The following PRKCE variants were observed in gnomAD, a reference collection of about 807,000 sequenced individuals.
The protein encoded by PRKCE is protein kinase C epsilon, also known as protein kinase C epsilon type.
Under a neutral mutation model 85.4 loss-of-function variants are expected in PRKCE, and 16 were observed. The observed-to-expected ratio is 0.19, with a 90% confidence interval of 0.13 to 0.28. PRKCE has a LOEUF of 0.28. Ranked by LOEUF, PRKCE falls within the 10% of genes least tolerant of loss-of-function variation. The probability of loss-of-function intolerance (pLI) is 1.00; values close to 1 mark genes in which losing one functional copy is unlikely to be tolerated. For synonymous variants in PRKCE, 388 were observed against 371.5 expected, an observed-to-expected ratio of 1.04 and a Z score of -0.51; for missense variants, 573 against 975.2, an observed-to-expected ratio of 0.59 and a Z score of 5.49.
At chr2:45,862,430 G>A (rs141710779) in intron 2 of PRKCE, among the ~76,000 whole-genome samples, 2 of 152,300 alleles carry the variant, frequency 1.3e-5, no homozygotes, top group African/African-American at 4.8e-5. Context: ...ACCTAGTGGT[G>A]CATTAGGCCG....
chr2:45,868,283 C>G (rs1398224419), intron 2 of PRKCE, among the ~76,000 whole-genome samples: 3 of 94,810 alleles, frequency 3.2e-5, no homozygotes, highest in Non-Finnish European at 6.1e-5. Flanking sequence ...GAACATCTTC[C>G]CTAAAGTCTC....
chr2:45,734,851 T>C (rs986849218), intron 1 of PRKCE, among the ~76,000 whole-genome samples: 1 of 152,242 alleles, frequency 6.6e-6, no homozygotes, highest in Non-Finnish European at 1.5e-5. Context: ...ATGGAAAGAC[T>C]GGTTTATGGG....
intron 14 of PRKCE, among the ~76,000 whole-genome samples, chr2:46,163,902 A>C (rs1678052893): frequency 6.9e-6 from 1 of 145,290 alleles, no homozygotes; most frequent in East Asian, 2.1e-4. Flanking sequence ...GGTGCACCCC[A>C]CAGAGGCCAC....
At chr2:45,983,098 T>G (rs1432461543) in intron 5 of PRKCE, among the ~76,000 whole-genome samples, 1 of 152,332 alleles carries the variant, frequency 6.6e-6, no homozygotes, top group South Asian at 2.1e-4. Context: ...TTGTTTTCAG[T>G]AGAGCTGACA....
At chr2:45,799,053 C>G (rs755586086) in intron 1 of PRKCE, among the ~76,000 whole-genome samples, 2 of 151,908 alleles carry the variant, frequency 1.3e-5, no homozygotes, top group Non-Finnish European at 2.9e-5. Context: ...GTAGTCCCAG[C>G]TACTCAGGAG....
intron 2 of PRKCE, among the ~76,000 whole-genome samples, chr2:45,853,342 A>C (rs1478335987): frequency 6.6e-6 from 1 of 152,234 alleles, no homozygotes; most frequent in Non-Finnish European, 1.5e-5. Context: ...CAATTATACC[A>C]GGAAAACAAA....
In PRKCE at chr2:46,156,004, TA is replaced by T. The variant is rs58699940; in HGVS notation, c.1921-3588del. On this transcript the variant is annotated intron_variant, in intron 13 of 14. Coordinates refer to ENST00000306156, the MANE Select transcript of PRKCE (RefSeq NM_005400.3). ...CATGTACCCTAAAACTTAAAGTATA[TA>T]AAAAAAAAAAAAACTTCATGTACAA... is the stretch of plus-strand genomic sequence containing the variant. Among the ~76,000 whole-genome samples, 647 of 106,806 alleles carry T rather than the reference TA, an allele frequency of 6.1e-3. 6 individuals carry two copies. The highest frequency in any genetic ancestry group is 0.014 in the East Asian group (57 of 4,192). 70.1% of individuals were successfully genotyped at this position (106,806 alleles called of 152,430 possible).
intron 10 of PRKCE, among the ~76,000 whole-genome samples, chr2:46,067,988 C>T (rs1667767264): frequency 6.6e-6 from 1 of 152,092 alleles, no homozygotes; most frequent in Admixed American, 6.6e-5. Context: ...TCGTTGAAGG[C>T]AGGGTTTCCT....
intron 11 of PRKCE, among the ~76,000 whole-genome samples, chr2:46,096,819 C>T (rs1670731340): frequency 6.6e-6 from 1 of 152,190 alleles, no homozygotes; most frequent in Non-Finnish European, 1.5e-5. Context: ...GGGCAAATGA[C>T]CTCATCTCTC....
intron 1 of PRKCE, among the ~76,000 whole-genome samples, chr2:45,659,947 G>A (rs1044542574): frequency 6.6e-6 from 1 of 151,524 alleles, no homozygotes; most frequent in African/African-American, 2.4e-5. Flanking sequence ...CTCTATAAAT[G>A]TAGAGCTTTT....
At chr2:46,097,519 C>CAAAAAAAAAAAAAAAAAAAAA (rs66634467) in intron 11 of PRKCE, among the ~76,000 whole-genome samples, 4 of 94,120 alleles carry the variant, frequency 4.2e-5, no homozygotes, top group Non-Finnish European at 8.7e-5. Flanking sequence ...GACTCCGTCT[C>CAAAAAAAAAAAAAAAAAAAAA]AAAAAAAAAA....
chr2:45,679,979 G>A (rs931864028), intron 1 of PRKCE, among the ~76,000 whole-genome samples: 10 of 152,192 alleles, frequency 6.6e-5, no homozygotes, highest in Non-Finnish European at 1.3e-4. Context: ...TTAGATCTGG[G>A]AAGAGATTTA....
At chr2:45,999,472 C>CT (rs560151776) in intron 6 of PRKCE, among the ~76,000 whole-genome samples, 10 of 149,730 alleles carry the variant, frequency 6.7e-5, no homozygotes, top group African/African-American at 9.8e-5. Flanking sequence ...ATAGGTAAAA[C>CT]TTTTTTTTTT....
At chr2:46,061,859 CTT>C (rs10695600) in intron 10 of PRKCE, among the ~76,000 whole-genome samples, 11,509 of 107,132 alleles carry the variant, frequency 0.11, 384 homozygotes, top group Middle Eastern at 0.16. Context: ...TTTTCTTTTT[CTT>C]TTTTTTTTTT....
intron 1 of PRKCE, among the ~76,000 whole-genome samples, chr2:45,716,502 C>T (rs1033606220): frequency 2.0e-5 from 3 of 147,830 alleles, no homozygotes; most frequent in Non-Finnish European, 3.0e-5. Context: ...GACTGGGAAA[C>T]AGAGCAAGAC....
chr2:45,757,875 G>A (rs918454602), intron 1 of PRKCE, among the ~76,000 whole-genome samples: 3 of 152,138 alleles, frequency 2.0e-5, no homozygotes, highest in Non-Finnish European at 4.4e-5. Context: ...CATAAGGCAG[G>A]TCTTGACGGA....
chr2:45,897,623 C>T (rs965536194), intron 2 of PRKCE, among the ~76,000 whole-genome samples: 2 of 152,084 alleles, frequency 1.3e-5, no homozygotes, highest in African/African-American at 4.8e-5. Flanking sequence ...GGAGATGGCA[C>T]CCCATTTTTT....
intron 2 of PRKCE, among the ~76,000 whole-genome samples, chr2:45,860,183 A>G (rs565226271): frequency 6.6e-6 from 1 of 152,384 alleles, no homozygotes; most frequent in South Asian, 2.1e-4. Context: ...AGTGCCTGGC[A>G]TACAGTACCT....
At chr2:45,692,729 A>C (rs1273050519) in intron 1 of PRKCE, among the ~76,000 whole-genome samples, 4 of 150,462 alleles carry the variant, frequency 2.7e-5, no homozygotes, top group Non-Finnish European at 4.4e-5. Context: ...ACACACACAC[A>C]CCCATGCACA....
Sources: allele counts gnomAD v4.1 joint callset (sites outside exome capture counted in the v4.1 genomes callset), GRCh38; gene constraint gnomAD v4.1.1; transcripts MANE v1.5; gene names NCBI Gene and HGNC (gene_info 2026-07-23, HGNC 2026-07-21).